Variants in SPIDR observed in about 807,000 individuals in gnomAD.
The protein encoded by SPIDR is scaffold protein involved in DNA repair.
In SPIDR, 93 loss-of-function variants were observed where a neutral mutation model predicts 104.6. The ratio of observed to expected loss-of-function variants is 0.89; its 90% CI spans 0.75 to 1.06. The LOEUF (loss-of-function observed/expected upper bound fraction) is 1.06, where lower values mean the gene tolerates loss of function less well. Among genes scored for constraint, SPIDR ranks in the 50% least tolerant of loss-of-function variants. SPIDR has a pLI of 0.00. For missense variants in SPIDR, 1,154 were observed against 1,111.2 expected (o/e 1.04, Z -0.55); for synonymous variants, 431 against 416.9 (o/e 1.03, Z -0.41).
chr8:47,478,943 G>T (rs1398618604), intron 8 of SPIDR, among the ~76,000 whole-genome samples: 1 of 152,148 alleles, frequency 6.6e-6, no homozygotes, highest in Non-Finnish European at 1.5e-5. Context: ...GCCGTTCTTA[G>T]CTTGTTGTAA....
At chr8:47,619,748 A>G (rs910707005) in intron 10 of SPIDR, among the ~76,000 whole-genome samples, 6 of 151,964 alleles carry the variant, frequency 3.9e-5, no homozygotes, top group African/African-American at 1.5e-4. Flanking sequence ...TGGAACCACA[A>G]GTGCTAAGTC....
chr8:47,520,696 T>G (rs1185255766), intron 8 of SPIDR, among the ~76,000 whole-genome samples: 1 of 152,238 alleles, frequency 6.6e-6, no homozygotes, highest in Non-Finnish European at 1.5e-5. Flanking sequence ...TACTGTAAAT[T>G]TGCAGATGGG....
rs368428582 is a variant in SPIDR, at chr8:47,334,124, A to G, written c.525+40094A>G. The stretch of plus-strand genomic sequence containing the variant: ...TTTCTGTTAATTGATCTTTATTTTG[A>G]TCTTAGAGAAGATGTTATATAATTT... On this transcript the variant is annotated intron_variant, in intron 5 of 19. Coordinates refer to ENST00000297423, the MANE Select transcript of SPIDR (RefSeq NM_001080394.4). Among the ~76,000 whole-genome samples, 465 of 152,210 alleles carry G rather than the reference A, an allele frequency of 3.1e-3. 1 individual carries two copies. The highest frequency in any genetic ancestry group is 0.011 in the African/African-American group (454 of 41,536).
intron 10 of SPIDR, among the ~76,000 whole-genome samples, chr8:47,673,176 A>T (rs775501880): frequency 2.0e-5 from 3 of 152,272 alleles, no homozygotes; most frequent in Admixed American, 6.5e-5. Flanking sequence ...AGTCATAAAT[A>T]GGCTCTCATG....
intron 8 of SPIDR, among the ~76,000 whole-genome samples, chr8:47,477,744 A>G (rs1366238667): frequency 2.0e-5 from 3 of 152,148 alleles, no homozygotes; most frequent in Admixed American, 2.0e-4. Context: ...TGTTTCATTC[A>G]GTGAATATCT....
chr8:47,642,746 T>C (rs1005710818), intron 10 of SPIDR, among the ~76,000 whole-genome samples: 1 of 152,076 alleles, frequency 6.6e-6, no homozygotes, highest in Non-Finnish European at 1.5e-5. Context: ...CCGTCTCTAC[T>C]AAAAATTTAA....
chr8:47,647,240 C>T (rs1244802119), intron 10 of SPIDR, among the ~76,000 whole-genome samples: 1 of 151,930 alleles, frequency 6.6e-6, no homozygotes, highest in East Asian at 1.9e-4. Context: ...GAAATAAGGG[C>T]CAAAATAAAT....
chr8:47,421,531 T>C (rs541334371), intron 7 of SPIDR, among the ~76,000 whole-genome samples: 2 of 152,308 alleles, frequency 1.3e-5, no homozygotes, highest in South Asian at 4.1e-4. Context: ...TTCAAGGTTT[T>C]TAACTTCTTT....
At chr8:47,330,645 A>C in intron 5 of SPIDR, 1 of 379,210 alleles carries the variant, frequency 2.6e-6, no homozygotes, top group East Asian at 7.3e-5. Flanking sequence ...TTCACTTAGT[A>C]ATATGTATTG....
chr8:47,477,207 T>G (rs188705115), intron 8 of SPIDR, among the ~76,000 whole-genome samples: 1 of 149,532 alleles, frequency 6.7e-6, no homozygotes, highest in South Asian at 2.1e-4. Flanking sequence ...CGCAATATAT[T>G]TTTTTTTTTT....
intron 10 of SPIDR, among the ~76,000 whole-genome samples, chr8:47,643,897 T>C (rs1258598363): frequency 6.6e-6 from 1 of 152,206 alleles, no homozygotes; most frequent in African/African-American, 2.4e-5. Context: ...GGGTTTTTTA[T>C]GTTATGTTTT....
At chr8:47,277,903 G>T in intron 1 of SPIDR, among the ~76,000 whole-genome samples, 1 of 151,834 alleles carries the variant, frequency 6.6e-6, no homozygotes, top group East Asian at 1.9e-4. Context: ...CTTAACTCCT[G>T]ACTTTGTGAT....
Position 47,396,609 on chromosome 8 carries a change from A to C in SPIDR, c.759A>C (p.Ala253=). The change falls in exon 6 of 20, where the codon GCA becomes GCC. Residue 253 remains alanine (A), a synonymous_variant. Transcript: ENST00000297423. Reference sequence around the variant, plus strand: ...TTCCCAGGACTCCAGAAAATTCAGCAAAGAAGAAGCTTTTAAGGTTAAATT... The same window carrying C: ...TTCCCAGGACTCCAGAAAATTCAGCCAAGAAGAAGCTTTTAAGGTTAAATT... ...AKFPRTPENS[A]KKKLLRGGLA... 6.2e-7 allele frequency: 1 copy of C among 1,613,084 alleles called. No homozygotes were observed. The highest frequency in any genetic ancestry group is 1.1e-5 in the South Asian group (1 of 90,898).
intron 7 of SPIDR, among the ~76,000 whole-genome samples, chr8:47,434,689 A>G (rs947424186): frequency 3.9e-5 from 6 of 152,142 alleles, no homozygotes; most frequent in Non-Finnish European, 4.4e-5. Flanking sequence ...GAATAATTTC[A>G]GTATCTCTCC....
chr8:47,287,552 C>G (rs1246062745), intron 3 of SPIDR, among the ~76,000 whole-genome samples: 1 of 152,128 alleles, frequency 6.6e-6, no homozygotes, highest in African/African-American at 2.4e-5. Context: ...GACCTCCCCC[C>G]AGGAATGCAT....
chr8:47,729,614 A>G, intron 19 of SPIDR, 149 bp downstream of exon 19: 3 of 812,610 alleles, frequency 3.7e-6, no homozygotes, highest in East Asian at 2.7e-5. Context: ...TGAAATGCAG[A>G]TATGTCTGCC....
At chr8:47,626,319 T>C (rs1375833017) in intron 10 of SPIDR, among the ~76,000 whole-genome samples, 2 of 152,212 alleles carry the variant, frequency 1.3e-5, no homozygotes, top group African/African-American at 4.8e-5. Context: ...ATTCAGGAGA[T>C]AGGCATGGGC....
chr8:47,264,485 A>G lies in SPIDR; in HGVS notation c.33+3494A>G, dbSNP rs1186943328. Reference sequence around the variant, plus strand: ...TTCTTTCCTCACTCCCCTCTCCTCCATGAGTTTCTCCTGCCCTAGCCCCTC... The same window carrying G: ...TTCTTTCCTCACTCCCCTCTCCTCCGTGAGTTTCTCCTGCCCTAGCCCCTC... On this transcript the variant is annotated intron_variant, in intron 1 of 19. Coordinates refer to ENST00000297423, the MANE Select transcript of SPIDR (RefSeq NM_001080394.4). 3.3e-5 allele frequency among the ~76,000 whole-genome samples: 5 copies of G among 152,082 alleles called. No homozygotes were observed. The East Asian group carries it at 5.8e-4, about 18-fold the overall frequency.
intron 10 of SPIDR, among the ~76,000 whole-genome samples, chr8:47,632,624 A>T (rs2067246471): frequency 6.6e-6 from 1 of 152,196 alleles, no homozygotes; most frequent in South Asian, 2.1e-4. Flanking sequence ...AATGGTCCTC[A>T]TTCCCACTGC....
Sources: allele counts gnomAD v4.1 joint callset (sites outside exome capture counted in the v4.1 genomes callset), GRCh38; gene constraint gnomAD v4.1.1; transcripts MANE v1.5; gene names NCBI Gene and HGNC (gene_info 2026-07-23, HGNC 2026-07-21).